Variants in MIB1 observed in about 807,000 individuals in gnomAD.
MIB1 encodes the protein MIB E3 ubiquitin protein ligase 1.
A neutral mutation model predicts 124.5 loss-of-function variants in MIB1; 278 were observed. The observed-to-expected ratio is 2.23, with a 90% CI of 2.02 to 2.47. The LOEUF (loss-of-function observed/expected upper bound fraction) is 2.47, where lower values mean the gene tolerates loss of function less well. Among genes scored for constraint, MIB1 ranks in the 30% most tolerant of loss-of-function variants. MIB1 has a pLI of 0.00. For synonymous variants in MIB1, 446 were observed against 429.4 expected (o/e 1.04, Z -0.48); for missense variants, 957 against 1,254.4 (o/e 0.76, Z 3.58).
In MIB1 at chr18:21,870,210, A is replaced by G. The variant is rs2042345805; in HGVS notation, c.*5544A>G. The stretch of plus-strand genomic sequence containing the variant: ...TTGATCTTTGGAGAATTATTCTTTT[A>G]TAGTAGTATACATGAATTTTGATTT... On this transcript the variant is annotated 3_prime_UTR_variant, in exon 21 of 21. Coordinates refer to ENST00000261537, the MANE Select transcript of MIB1 (RefSeq NM_020774.4). 6.6e-6 allele frequency: 1 copy of G among 152,570 alleles called. No homozygotes were observed. The highest frequency in any genetic ancestry group is 2.4e-5 in the African/African-American group (1 of 41,462). 9.5% of individuals were successfully genotyped at this position (152,570 alleles called of 1,614,324 possible). A position where few individuals can be genotyped will look rare whatever the true frequency, so the allele number is the denominator to read the frequency against.
At position 21,773,731 on chromosome 18, in the gene MIB1, A is replaced by T. The variant is rs970550151; in HGVS notation, c.636+3A>T. On this transcript the variant is annotated splice_donor_region_variant and intron_variant, in intron 4 of 20. Coordinates refer to ENST00000261537, the MANE Select transcript of MIB1 (RefSeq NM_020774.4). ...ACAGAGTTGGCTTTGAGGGCATGGT[A>T]AGTAGTGAAGAGCCATAGCAGGTGA... is the stretch of plus-strand genomic sequence containing the variant. The T allele has an allele frequency of 6.4e-7, 1 of 1,568,548 alleles. No homozygotes were observed. The highest frequency in any genetic ancestry group is 1.4e-5 in the African/African-American group (1 of 72,710).
chr18:21,825,257 A>G (rs1725345160), intron 12 of MIB1, among the ~76,000 whole-genome samples: 1 of 152,154 alleles, frequency 6.6e-6, no homozygotes, highest in Admixed American at 6.5e-5. Flanking sequence ...ACATTTCTAG[A>G]GTGTTATATA....
intron 14 of MIB1, 64 bp downstream of exon 14, chr18:21,843,281 C>A: frequency 8.7e-7 from 1 of 1,147,170 alleles, no homozygotes; most frequent in Non-Finnish European, 1.2e-6. Flanking sequence ...TTTAGAACTT[C>A]CTGAAAATTG....
At chr18:21,749,727 G>C (rs528466640) in intron 1 of MIB1, among the ~76,000 whole-genome samples, 1 of 133,016 alleles carries the variant, frequency 7.5e-6, no homozygotes, top group East Asian at 2.3e-4. Flanking sequence ...CAAAACCTCT[G>C]CCTCCCAGGT....
intron 20 of MIB1, among the ~76,000 whole-genome samples, chr18:21,860,896 G>C (rs774472862): frequency 7.2e-5 from 11 of 152,110 alleles, no homozygotes; most frequent in Non-Finnish European, 1.3e-4. Flanking sequence ...TAAATCAGCA[G>C]ACTGTTATGA....
intron 1 of MIB1, among the ~76,000 whole-genome samples, chr18:21,708,093 C>T (rs755265173): frequency 2.0e-5 from 3 of 152,132 alleles, no homozygotes; most frequent in Non-Finnish European, 4.4e-5. Context: ...CCTCCTAATA[C>T]CATCACCTTG....
At chr18:21,716,315 G>C (rs1384013641) in intron 1 of MIB1, among the ~76,000 whole-genome samples, 1 of 152,102 alleles carries the variant, frequency 6.6e-6, no homozygotes, top group African/African-American at 2.4e-5. Context: ...AACAAATGCT[G>C]AAAAAATTTG....
At chr18:21,832,030 AATGT>A (rs1386454450) in intron 12 of MIB1, among the ~76,000 whole-genome samples, 1 of 152,164 alleles carries the variant, frequency 6.6e-6, no homozygotes, top group Non-Finnish European at 1.5e-5. Flanking sequence ...TTGAATGGAA[AATGT>A]ATAGAAATGG....
intron 10 of MIB1, among the ~76,000 whole-genome samples, chr18:21,807,471 CAA>C (rs1051715112): frequency 1.3e-5 from 2 of 152,214 alleles, no homozygotes; most frequent in African/African-American, 4.8e-5. Flanking sequence ...AAAAGTTCAT[CAA>C]AGTTTAATTT....
At chr18:21,737,331 C>T (rs2040800859), upstream of MIB1, among the ~76,000 whole-genome samples, 1 of 152,102 alleles carries the variant, frequency 6.6e-6, no homozygotes, top group South Asian at 2.1e-4. Context: ...CAAGCAAATG[C>T]TGAGAGATTT....
rs753439153 is a variant in MIB1, at chr18:21,864,642, T to C, written c.2997T>C (p.Ile999=). The part of the protein sequence containing the change: ...MSECPICRKA[I]ERRILLY ...AATGTCCTATCTGTCGCAAGGCTAT[T>C]GAACGAAGGATTCTTTTGTATTAAC... The change falls in exon 21 of 21, where the codon ATT becomes ATC. Residue 999 remains isoleucine, a synonymous_variant. Coordinates refer to ENST00000261537, the MANE Select transcript of MIB1 (RefSeq NM_020774.4). 1.2e-6 allele frequency: 2 copies of C among 1,613,716 alleles called. No individual in the cohort carries two copies. The highest frequency in any genetic ancestry group is 1.7e-6 in the Non-Finnish European group (2 of 1,179,716).
At position 21,798,083 on chromosome 18, in the gene MIB1, G is replaced by T; in HGVS notation, c.1093-1G>T. ...AACATGAATCTATTTTTTTCCCCAA[G>T]ACTTTAGGTAAAGTTGGCCGAGTAC... On this transcript the variant is annotated splice_acceptor_variant, in intron 7 of 20. Transcript: ENST00000261537. LOFTEE classifies it high-confidence loss of function. 6.2e-7 allele frequency: 1 copy of T among 1,611,350 alleles called. No homozygotes were observed. The highest frequency in any genetic ancestry group is 8.5e-7 in the Non-Finnish European group (1 of 1,178,532).
rs1163564048 is a variant in MIB1, at chr18:21,868,829, G to A, written c.*4163G>A. On this transcript the variant is annotated 3_prime_UTR_variant, in exon 21 of 21. Transcript: ENST00000261537. ...TTTGAGGAAACTTTAATGCTGTCTC[G>A]TGTACATTGCTTTACTACAGTGAGG... The A allele has an allele frequency of 2.6e-5, 4 of 152,378 alleles. No individual in the cohort carries two copies. Among genetic ancestry groups the A allele is most frequent in the Non-Finnish European group, 2.9e-5 (2 of 67,866 alleles). The allele number at this position is 152,378 out of a possible 1,614,324, so 9.4% of individuals were successfully genotyped here. A position where few individuals can be genotyped will look rare whatever the true frequency, so the allele number is the denominator to read the frequency against.
At chr18:21,838,775 CAG>C (rs1225361054) in intron 13 of MIB1, among the ~76,000 whole-genome samples, 2 of 152,180 alleles carry the variant, frequency 1.3e-5, no homozygotes, top group African/African-American at 4.8e-5. Context: ...CATCAACTAA[CAG>C]AGATTTCCCA....
At chr18:21,831,701 G>A (rs770505050) in intron 12 of MIB1, among the ~76,000 whole-genome samples, 18 of 151,534 alleles carry the variant, frequency 1.2e-4, no homozygotes, top group Non-Finnish European at 2.4e-4. Context: ...GGTCTCTCAT[G>A]TTTCCACTTA....
At chr18:21,784,908 A>T (rs1325876118) in intron 6 of MIB1, among the ~76,000 whole-genome samples, 3 of 152,156 alleles carry the variant, frequency 2.0e-5, no homozygotes, top group Non-Finnish European at 4.4e-5. Flanking sequence ...AGCCATCCGG[A>T]GGCCTAAACC....
intron 12 of MIB1, among the ~76,000 whole-genome samples, chr18:21,822,786 C>T (rs1346033971): frequency 6.6e-6 from 1 of 152,068 alleles, no homozygotes; most frequent in African/African-American, 2.4e-5. Context: ...AAATAACAAC[C>T]AGTCTTTTTG....
At chr18:21,712,674 A>T (rs2040670959) in intron 1 of MIB1, among the ~76,000 whole-genome samples, 1 of 152,196 alleles carries the variant, frequency 6.6e-6, no homozygotes, top group Non-Finnish European at 1.5e-5. Flanking sequence ...TTCCCAGTCA[A>T]ATCTCCAGAT....
chr18:21,794,390 A>T (rs1189812053), intron 7 of MIB1, among the ~76,000 whole-genome samples: 2 of 152,086 alleles, frequency 1.3e-5, no homozygotes, highest in African/African-American at 2.4e-5. Flanking sequence ...GGAAAATTTT[A>T]AAAATAGGAA....
Sources: gnomAD v4.1 joint callset for allele counts (sites outside exome capture counted in the v4.1 genomes callset) on GRCh38, gnomAD v4.1.1 for gene constraint, MANE v1.5 for transcripts, NCBI Gene and HGNC (gene_info 2026-07-23, HGNC 2026-07-21) for gene names.